The following MRPS31 variants were observed in gnomAD, a reference collection of about 807,000 sequenced individuals.
The protein encoded by MRPS31 is small ribosomal subunit protein mS31.
In MRPS31, 32 loss-of-function variants were observed where a neutral mutation model predicts 43.1. That is an observed-to-expected ratio of 0.74 (90% CI 0.56 to 1.00). The LOEUF (loss-of-function observed/expected upper bound fraction) is 1.00. Ranked by LOEUF, MRPS31 falls within the 50% of genes least tolerant of loss-of-function variation. MRPS31 has a pLI of 0.00. For synonymous variants in MRPS31, 165 were observed against 161.6 expected (o/e 1.02, Z -0.16); for missense variants, 437 against 466.7 (o/e 0.94, Z 0.59).
At chr13:40,762,202 A>T (rs1880718189) in intron 2 of MRPS31, among the ~76,000 whole-genome samples, 1 of 152,212 alleles carries the variant, frequency 6.6e-6, no homozygotes, top group African/African-American at 2.4e-5. Context: ...ACTGCACTCA[A>T]GCCTGGGGAA....
At chr13:40,763,846 G>C (rs1180472055) in intron 2 of MRPS31, among the ~76,000 whole-genome samples, 1 of 152,128 alleles carries the variant, frequency 6.6e-6, no homozygotes, top group African/African-American at 2.4e-5. Context: ...TTTGTCTGCG[G>C]AACCCAGCTA....
chr13:40,755,103 T>C (rs1258533599), intron 4 of MRPS31, among the ~76,000 whole-genome samples: 2 of 152,256 alleles, frequency 1.3e-5, no homozygotes, highest in Non-Finnish European at 2.9e-5. Flanking sequence ...TGTTTTTTTA[T>C]AAACTAAATT....
rs1385426733 is a variant in MRPS31, at chr13:40,751,955, T to C, written c.814+2064A>G. ...TTATTTTAAAAAGTAAGATGGTTCC[T>C]TCAAGACTCTCAAGAATCTTCAAGT... On this transcript the variant is annotated intron_variant, in intron 5 of 6. Transcript: ENST00000323563. Among the ~76,000 whole-genome samples the C allele has an allele frequency of 2.6e-5, 4 of 152,182 alleles. No homozygotes were observed. The East Asian group carries it at 7.7e-4, about 29-fold the overall frequency.
chr13:40,732,993 G>GTT (rs1879746105), intron 6 of MRPS31, among the ~76,000 whole-genome samples: 1 of 128,198 alleles, frequency 7.8e-6, no homozygotes, highest in Non-Finnish European at 1.6e-5. Context: ...CAATGCATTT[G>GTT]GTTTTTTTTT....
intron 2 of MRPS31, among the ~76,000 whole-genome samples, chr13:40,762,312 C>T (rs1214621992): frequency 1.3e-5 from 2 of 152,190 alleles, no homozygotes; most frequent in Non-Finnish European, 1.5e-5. Context: ...GCAGTTCTAT[C>T]CTCTATGCCT....
intron 6 of MRPS31, among the ~76,000 whole-genome samples, chr13:40,733,245 C>A (rs145833502): frequency 0.017 from 2,657 of 152,108 alleles, 55 homozygotes; most frequent in African/African-American, 0.058. Context: ...CTCAGGTGAT[C>A]CGCCTGCTTC....
intron 6 of MRPS31, 38 bp downstream of exon 6, chr13:40,749,100 A>G (rs374440713): frequency 1.4e-5 from 22 of 1,560,196 alleles, no homozygotes; most frequent in Non-Finnish European, 1.8e-5. Flanking sequence ...AATAATCTCA[A>G]TCAATACGTT....
rs187800126 is a variant in MRPS31 at position 40,729,181 on chromosome 13, T to A, written c.*191A>T. 471 of 446,822 alleles carry A rather than the reference T, an allele frequency of 1.1e-3. 2 individuals are homozygous for A. Among genetic ancestry groups the A allele is most frequent in the African/African-American group, 8.4e-3 (428 of 50,848 alleles). The allele number at this position is 446,822 out of a possible 1,614,324, so 27.7% of individuals were successfully genotyped here. ...TAATTCCCAGATATTCTTTTGAACCTATGAATACTGATGATTTTTCTCCAT... is the reference window on the plus strand; with the variant it reads ...TAATTCCCAGATATTCTTTTGAACCAATGAATACTGATGATTTTTCTCCAT... On this transcript the variant is annotated 3_prime_UTR_variant, in exon 7 of 7. Transcript: ENST00000323563.
At chr13:40,758,234 T>C (rs1384985857) in intron 3 of MRPS31, among the ~76,000 whole-genome samples, 3 of 152,146 alleles carry the variant, frequency 2.0e-5, no homozygotes, top group Non-Finnish European at 4.4e-5. Flanking sequence ...ACTTTTTTTA[T>C]GTTTTGTAGA....
chr13:40,743,204 A>C (rs1436994200), intron 6 of MRPS31, among the ~76,000 whole-genome samples: 1 of 152,042 alleles, frequency 6.6e-6, no homozygotes, highest in Non-Finnish European at 1.5e-5. Flanking sequence ...CATTCCAACT[A>C]ACTGGAAGGC....
At chr13:40,756,746 T>C (rs1880538757) in intron 4 of MRPS31, 127 bp downstream of exon 4, 4 of 1,076,340 alleles carry the variant, frequency 3.7e-6, no homozygotes, top group Admixed American at 2.3e-5. Flanking sequence ...AGAACACAGA[T>C]GTAAATGTAT....
At chr13:40,748,651 CAA>C (rs1880306141) in intron 6 of MRPS31, among the ~76,000 whole-genome samples, 1 of 152,170 alleles carries the variant, frequency 6.6e-6, no homozygotes, top group South Asian at 2.1e-4. Context: ...ATTATGCAGG[CAA>C]AGATTTCCAA....
At chr13:40,758,649 A>G (rs1487534178) in intron 3 of MRPS31, among the ~76,000 whole-genome samples, 3 of 152,238 alleles carry the variant, frequency 2.0e-5, no homozygotes, top group Non-Finnish European at 4.4e-5. Flanking sequence ...CTTTTCTCAG[A>G]GAAGCTACTT....
intron 2 of MRPS31, 42 bp from the exon 3 acceptor site, chr13:40,759,148 G>A (rs1344696753): frequency 1.4e-6 from 2 of 1,481,294 alleles, no homozygotes; most frequent in Non-Finnish European, 1.8e-6. Context: ...GAAAAAAAAA[G>A]AGAGATTGGC....
chr13:40,733,010 T>TC (rs1879749941), intron 6 of MRPS31, among the ~76,000 whole-genome samples: 1 of 145,604 alleles, frequency 6.9e-6, no homozygotes, highest in East Asian at 2.0e-4. Context: ...TTTTTTTTTT[T>TC]TTTTTTTTTT....
In MRPS31 at chr13:40,766,611, G is replaced by A. The variant is rs1880855308; in HGVS notation, c.440+135C>T. ...TGCCCAGCCTCGAGTAATTATTAGA[G>A]TCCCTGTGTTTACAAGCTGATATTT... is the stretch of plus-strand genomic sequence containing the variant. On this transcript the variant is annotated intron_variant, in intron 2 of 6. Coordinates refer to ENST00000323563, the MANE Select transcript of MRPS31 (RefSeq NM_005830.4). The A allele has an allele frequency of 3.3e-6, 3 of 920,514 alleles. No individual in the cohort carries two copies. In the East Asian group the frequency reaches 8.0e-5, roughly 25 times the overall value. The allele number at this position is 920,514 out of a possible 1,614,324, so 57.0% of individuals were successfully genotyped here. A position where few individuals can be genotyped will look rare whatever the true frequency, so the allele number is the denominator to read the frequency against.
In MRPS31 at chr13:40,749,118, C is replaced by T. The variant is rs1344943929; in HGVS notation, c.958+20G>A. 3.2e-6 allele frequency: 5 copies of T among 1,580,112 alleles called. No individual in the cohort carries two copies. Among genetic ancestry groups the T allele is most frequent in the Non-Finnish European group, 4.3e-6 (5 of 1,170,442 alleles). On this transcript the variant is annotated intron_variant, in intron 6 of 6. Coordinates refer to ENST00000323563, the MANE Select transcript of MRPS31 (RefSeq NM_005830.4). The stretch of plus-strand genomic sequence containing the variant: ...AATCTCAATCAATACGTTTTATAAT[C>T]CCCTGAAATTAACACTTACCTGCTT...
At chr13:40,731,842 A>T (rs1879709266) in intron 6 of MRPS31, among the ~76,000 whole-genome samples, 1 of 152,190 alleles carries the variant, frequency 6.6e-6, no homozygotes, top group South Asian at 2.1e-4. Context: ...AACTGGCTGT[A>T]TGAATATCAG....
intron 2 of MRPS31, among the ~76,000 whole-genome samples, chr13:40,760,851 A>G (rs1407760674): frequency 1.3e-5 from 2 of 152,138 alleles, no homozygotes; most frequent in Non-Finnish European, 1.5e-5. Flanking sequence ...CTGGCTTTCT[A>G]TATTATGATA....
Sources: gnomAD v4.1 joint callset for allele counts (sites outside exome capture counted in the v4.1 genomes callset) on GRCh38, gnomAD v4.1.1 for gene constraint, MANE v1.5 for transcripts, NCBI Gene and HGNC (gene_info 2026-07-23, HGNC 2026-07-21) for gene names.